ASH1L: variants seen among roughly 807,000 people sequenced by gnomAD.
ASH1L encodes the protein histone-lysine N-methyltransferase ASH1L.
ASH1L carries 23 observed loss-of-function variants against 269.0 expected under a neutral mutation model. The observed-to-expected ratio is 0.09, with a 90% CI of 0.06 to 0.12. The LOEUF (loss-of-function observed/expected upper bound fraction) is 0.12, where lower values mean the gene tolerates loss of function less well. Ranked by LOEUF, ASH1L falls within the 10% of genes least tolerant of loss-of-function variation. ASH1L has a pLI of 1.00. For synonymous variants in ASH1L, 1,187 were observed against 1,253.5 expected (o/e 0.95, Z 1.12); for missense variants, 2,912 against 3,567.8 (o/e 0.82, Z 4.68).
At chr1:155,495,277 A>C (rs921228568) in intron 2 of ASH1L, among the ~76,000 whole-genome samples, 10 of 152,222 alleles carry the variant, frequency 6.6e-5, no homozygotes, top group African/African-American at 2.4e-4. Context: ...AATGTCTCTA[A>C]GAAATGTGAT....
At chr1:155,544,894 C>T (rs977837004) in intron 1 of ASH1L, among the ~76,000 whole-genome samples, 23 of 151,932 alleles carry the variant, frequency 1.5e-4, no homozygotes, top group African/African-American at 4.8e-4. Context: ...AACTATTGGC[C>T]GGGCGCAGTG....
intron 5 of ASH1L, among the ~76,000 whole-genome samples, chr1:155,426,687 T>C (rs1661185248): frequency 6.6e-6 from 1 of 152,248 alleles, no homozygotes; most frequent in South Asian, 2.1e-4. Flanking sequence ...ACAAATATTT[T>C]ATCCGTTCAT....
chr1:155,420,822 C>A (rs1291930517), intron 5 of ASH1L, among the ~76,000 whole-genome samples: 1 of 146,694 alleles, frequency 6.8e-6, no homozygotes, highest in African/African-American at 2.5e-5. Flanking sequence ...TGCACTTTAG[C>A]CTAGGTGACA....
At chr1:155,385,336 G>A (rs1187411696) in intron 7 of ASH1L, among the ~76,000 whole-genome samples, 4 of 152,148 alleles carry the variant, frequency 2.6e-5, no homozygotes, top group Non-Finnish European at 5.9e-5. Flanking sequence ...CCAGCTACTC[G>A]GGAGGCTGAG....
intron 1 of ASH1L, among the ~76,000 whole-genome samples, chr1:155,532,121 A>C (rs1382364352): frequency 6.6e-6 from 1 of 152,212 alleles, no homozygotes; most frequent in African/African-American, 2.4e-5. Context: ...CTCTTCACTC[A>C]AACAGGCAAA....
rs1342454317 is a variant in ASH1L, at chr1:155,562,563, C to G, written c.-510G>C. ...CCTTGCGTTCTTTCCCACCGTCCCC[C>G]GCTCCGCCCGACTCCGTCCGCGTAG... On this transcript the variant is annotated 5_prime_UTR_variant, in exon 1 of 28. Coordinates refer to ENST00000392403, the MANE Select transcript of ASH1L (RefSeq NM_018489.3). 55 of 1,529,514 alleles carry G rather than the reference C, an allele frequency of 3.6e-5. No individual in the cohort carries two copies. The highest frequency in any genetic ancestry group is 4.4e-5 in the Non-Finnish European group (50 of 1,140,744). 94.7% of individuals were successfully genotyped at this position (1,529,514 alleles called of 1,614,324 possible).
At position 155,562,687 on chromosome 1, in the gene ASH1L, G is replaced by A; in HGVS notation, c.-634C>T. On this transcript the variant is annotated 5_prime_UTR_variant, in exon 1 of 28. It adds an upstream start codon to the 5' untranslated region. Coordinates refer to ENST00000392403, the MANE Select transcript of ASH1L (RefSeq NM_018489.3). ...GGCCGCCCCGCGCGCCAGCCAGCCC[G>A]TACGCGCTCACCCACAGGAACCCCC... 2 of 1,512,514 alleles carry A rather than the reference G, an allele frequency of 1.3e-6. No homozygotes were observed. Among genetic ancestry groups the A allele is most frequent in the Non-Finnish European group, 8.9e-7 (1 of 1,129,546 alleles). The allele number at this position is 1,512,514 out of a possible 1,614,324, so 93.7% of individuals were successfully genotyped here.
chr1:155,562,712 C>T lies in ASH1L; in HGVS notation c.-659G>A. 6 of 1,458,424 alleles carry T rather than the reference C, an allele frequency of 4.1e-6. No individual in the cohort carries two copies. The highest frequency in any genetic ancestry group is 5.6e-6 in the Non-Finnish European group (6 of 1,080,676). The allele number at this position is 1,458,424 out of a possible 1,614,324, so 90.3% of individuals were successfully genotyped here. On this transcript the variant is annotated 5_prime_UTR_variant, in exon 1 of 28. Transcript: ENST00000392403. ...GTACGCGCTCACCCACAGGAACCCC[C>T]TCGTCCAGTCCCTCACTACCCCTCA...
At chr1:155,550,171 C>T (rs1393637037) in intron 1 of ASH1L, among the ~76,000 whole-genome samples, 2 of 152,128 alleles carry the variant, frequency 1.3e-5, no homozygotes, top group Non-Finnish European at 2.9e-5. Context: ...CAGGTGTGCA[C>T]CACCACGCCC....
chr1:155,516,856 C>CA (rs1389982153), intron 2 of ASH1L, among the ~76,000 whole-genome samples: 3 of 151,852 alleles, frequency 2.0e-5, no homozygotes, highest in Non-Finnish European at 4.4e-5. Context: ...ATTCTGGTTG[C>CA]AATAGCATCA....
At chr1:155,508,309 T>C (rs186936254) in intron 2 of ASH1L, among the ~76,000 whole-genome samples, 1 of 152,266 alleles carries the variant, frequency 6.6e-6, no homozygotes, top group Non-Finnish European at 1.5e-5. Context: ...TTCTTTCCAC[T>C]TGGGAGGAAA....
rs1283931341 is a variant in ASH1L, at chr1:155,357,647, T to C, written c.6898A>G (p.Thr2300Ala). The change falls in exon 14 of 28, where the codon ACA becomes GCA. Residue 2300 changes from threonine to alanine, a missense_variant. Thr to Ala is a moderately conservative substitution (Grantham distance 58, BLOSUM62 0). This residue lies in a region of ASH1L where 309 missense variants were observed against 435.1 expected (regional missense o/e 0.71). Transcript: ENST00000392403. ...TTTGACCGTCCAGATTTTTTGTGTG[T>C]GGCCATGGGCTGGCTGTTTTTGCTG... ...TSSKNSQPMA[T>A]HKKSGRSKEK... 2 of 1,614,082 alleles carry C rather than the reference T, an allele frequency of 1.2e-6. No individual in the cohort carries two copies. Among genetic ancestry groups the C allele is most frequent in the East Asian group, 2.2e-5 (1 of 44,898 alleles).
At chr1:155,502,117 T>C (rs1184993025) in intron 2 of ASH1L, among the ~76,000 whole-genome samples, 3 of 140,024 alleles carry the variant, frequency 2.1e-5, no homozygotes, top group African/African-American at 5.4e-5. Context: ...GTCATCCGGG[T>C]TGGAGTGCAA....
chr1:155,553,428 T>C (rs1671350222), intron 1 of ASH1L, among the ~76,000 whole-genome samples: 7 of 152,216 alleles, frequency 4.6e-5, no homozygotes, highest in Admixed American at 3.9e-4. Context: ...ATAGAAGATA[T>C]CTAATTACAA....
At chr1:155,378,638 A>G (rs1475210674) in intron 8 of ASH1L, 90 bp from the exon 9 acceptor site, 1 of 1,018,376 alleles carries the variant, frequency 9.8e-7, no homozygotes, top group Non-Finnish European at 1.5e-6. Context: ...GAAATTTTCT[A>G]TGTGCTCTGC....
intron 3 of ASH1L, among the ~76,000 whole-genome samples, chr1:155,461,196 T>C (rs1408943065): frequency 6.6e-6 from 1 of 152,224 alleles, no homozygotes. Context: ...TAAGAAAACT[T>C]AGGGTCAGAA....
intron 5 of ASH1L, chr1:155,433,680 T>C (rs751544382): frequency 6.2e-7 from 1 of 1,600,806 alleles, no homozygotes; most frequent in Non-Finnish European, 8.5e-7. Flanking sequence ...CAGGCCGATG[T>C]GGGGCTCACC....
intron 17 of ASH1L, among the ~76,000 whole-genome samples, chr1:155,351,216 G>C (rs1653893054): frequency 6.7e-6 from 1 of 149,584 alleles, no homozygotes; most frequent in Non-Finnish European, 1.5e-5. Flanking sequence ...CTGCACTCCA[G>C]CCTGGGCAAC....
At chr1:155,448,864 TTAGA>T (rs1302251113) in intron 4 of ASH1L, among the ~76,000 whole-genome samples, 2 of 152,172 alleles carry the variant, frequency 1.3e-5, no homozygotes, top group African/African-American at 2.4e-5. Context: ...GAGAACTGAC[TTAGA>T]TAGATCTTTG....
Sources: allele counts gnomAD v4.1 joint callset (sites outside exome capture counted in the v4.1 genomes callset), GRCh38; gene constraint gnomAD v4.1.1; regional missense constraint gnomAD v4.1.1; transcripts MANE v1.5; gene names NCBI Gene and HGNC (gene_info 2026-07-23, HGNC 2026-07-21).